THSD4: variants seen among roughly 807,000 people sequenced by gnomAD.
THSD4 encodes thrombospondin type-1 domain-containing protein 4.
In THSD4, 69 loss-of-function variants were observed where a neutral mutation model predicts 119.0. The ratio of observed to expected loss-of-function variants is 0.58; its 90% CI spans 0.48 to 0.71. The LOEUF is 0.71. THSD4 is among the 30% of genes least tolerant of loss of function. The pLI, the probability that THSD4 is intolerant of heterozygous loss-of-function variation, is 0.00. For synonymous variants in THSD4, 524 were observed against 540.4 expected (o/e 0.97, Z 0.42); for missense variants, 1,393 against 1,391.1 (o/e 1.00, Z -0.02).
intron 5 of THSD4, among the ~76,000 whole-genome samples, chr15:71,246,224 A>G (rs1163995367): frequency 6.6e-6 from 1 of 152,186 alleles, no homozygotes; most frequent in African/African-American, 2.4e-5. Context: ...AAGAGCTGGC[A>G]TGGCAGTGAC....
At chr15:71,341,945 T>C (rs192966207) in intron 6 of THSD4, among the ~76,000 whole-genome samples, 2 of 152,152 alleles carry the variant, frequency 1.3e-5, no homozygotes, top group African/African-American at 4.8e-5. Context: ...AACAATCCAA[T>C]TGAAAGCCAA....
chr15:71,674,064 T>A (rs1280614761), intron 8 of THSD4, among the ~76,000 whole-genome samples: 1 of 152,246 alleles, frequency 6.6e-6, no homozygotes, highest in Non-Finnish European at 1.5e-5. Context: ...GTAGACATGC[T>A]TCTTCTGTGC....
chr15:71,615,441 G>C (rs1262917874), intron 7 of THSD4, among the ~76,000 whole-genome samples: 1 of 152,016 alleles, frequency 6.6e-6, no homozygotes, highest in East Asian at 1.9e-4. Context: ...ATGAGAACCA[G>C]GGTAAGAAGG....
chr15:71,575,194 T>A (rs1305526235), intron 7 of THSD4, among the ~76,000 whole-genome samples: 1 of 152,156 alleles, frequency 6.6e-6, no homozygotes, highest in African/African-American at 2.4e-5. Flanking sequence ...TTTATGGATT[T>A]GTAACTTAGG....
At chr15:71,180,186 A>G (rs2043500045) in intron 3 of THSD4, among the ~76,000 whole-genome samples, 1 of 147,486 alleles carries the variant, frequency 6.8e-6, no homozygotes, top group East Asian at 2.0e-4. Flanking sequence ...AAAAAAAAAG[A>G]CACTATCAAC....
chr15:71,550,220 G>A (rs868253110), intron 7 of THSD4, among the ~76,000 whole-genome samples: 1 of 152,326 alleles, frequency 6.6e-6, no homozygotes, highest in Admixed American at 6.5e-5. Flanking sequence ...GTGCCAACGT[G>A]CAGCTTCTTT....
At chr15:71,222,674 C>A (rs567319744) in intron 4 of THSD4, among the ~76,000 whole-genome samples, 1 of 152,124 alleles carries the variant, frequency 6.6e-6, no homozygotes, top group Non-Finnish European at 1.5e-5. Context: ...TTCCTATAGA[C>A]GTTTTTCTGT....
chr15:71,730,762 C>T (rs762556042), intron 9 of THSD4: 2 of 224,490 alleles, frequency 8.9e-6, no homozygotes, highest in Non-Finnish European at 1.8e-5. Flanking sequence ...AAACAGTTCT[C>T]CTGCAGTGTA....
intron 6 of THSD4, among the ~76,000 whole-genome samples, chr15:71,262,160 T>C (rs1757949321): frequency 6.6e-6 from 1 of 152,190 alleles, no homozygotes; most frequent in Admixed American, 6.5e-5. Flanking sequence ...AAGCGGAGTA[T>C]ACTCTCTGAT....
chr15:71,499,118 A>G (rs1386682718), intron 7 of THSD4, among the ~76,000 whole-genome samples: 2 of 152,046 alleles, frequency 1.3e-5, no homozygotes, highest in African/African-American at 4.8e-5. Flanking sequence ...GATGGGTCCT[A>G]CCTTTCCTAC....
chr15:71,174,296 G>T (rs1300593848), intron 3 of THSD4, among the ~76,000 whole-genome samples: 1 of 152,120 alleles, frequency 6.6e-6, no homozygotes, highest in African/African-American at 2.4e-5. Flanking sequence ...TGCGCGCGCC[G>T]AAGCAGGGCG....
chr15:71,613,956 C>A (rs560634679), intron 7 of THSD4, among the ~76,000 whole-genome samples: 13 of 152,150 alleles, frequency 8.5e-5, no homozygotes, highest in Non-Finnish European at 1.6e-4. Context: ...TAAATAGACC[C>A]TTTTCTCTAT....
chr15:71,347,111 C>T (rs766025421), intron 6 of THSD4, among the ~76,000 whole-genome samples: 24 of 151,928 alleles, frequency 1.6e-4, no homozygotes, highest in Non-Finnish European at 2.9e-4. Flanking sequence ...CGACCTCAGG[C>T]GATCTGCCCG....
chr15:71,615,441 G>A (rs1262917874), intron 7 of THSD4, among the ~76,000 whole-genome samples: 2 of 152,016 alleles, frequency 1.3e-5, no homozygotes, highest in African/African-American at 4.8e-5. Flanking sequence ...ATGAGAACCA[G>A]GGTAAGAAGG....
At chr15:71,530,200 A>G (rs1000073109) in intron 7 of THSD4, among the ~76,000 whole-genome samples, 1 of 152,210 alleles carries the variant, frequency 6.6e-6, no homozygotes, top group African/African-American at 2.4e-5. Context: ...AAGCTGGAAG[A>G]CACTCCAGCC....
At chr15:71,278,829 C>T (rs182603617) in intron 6 of THSD4, among the ~76,000 whole-genome samples, 99 of 152,178 alleles carry the variant, frequency 6.5e-4, no homozygotes, top group African/African-American at 1.4e-3. Flanking sequence ...ACTGGCAGGG[C>T]GACCATAGAT....
chr15:71,488,201 T>C (rs904562535), intron 7 of THSD4, among the ~76,000 whole-genome samples: 1 of 152,208 alleles, frequency 6.6e-6, no homozygotes, highest in African/African-American at 2.4e-5. Context: ...CTAACAAGAA[T>C]AGATGTTGAA....
At chr15:71,598,753 G>A (rs1377248436) in intron 7 of THSD4, among the ~76,000 whole-genome samples, 1 of 152,082 alleles carries the variant, frequency 6.6e-6, no homozygotes, top group African/African-American at 2.4e-5. Flanking sequence ...TACTAGCTGG[G>A]ACTACAGGCA....
intron 6 of THSD4, among the ~76,000 whole-genome samples, chr15:71,353,292 T>G (rs2045767129): frequency 6.6e-6 from 1 of 152,176 alleles, no homozygotes; most frequent in South Asian, 2.1e-4. Flanking sequence ...CTTTAGCTGG[T>G]TTGGGCCAAG....
Sources: gnomAD v4.1 joint callset for allele counts (sites outside exome capture counted in the v4.1 genomes callset) on GRCh38, gnomAD v4.1.1 for gene constraint, MANE v1.5 for transcripts, NCBI Gene and HGNC (gene_info 2026-07-23, HGNC 2026-07-21) for gene names.